Variants in STXBP4 observed in about 807,000 individuals in gnomAD.
STXBP4 encodes syntaxin binding protein 4, also known as syntaxin-binding protein 4.
In STXBP4, 55 loss-of-function variants were observed where a neutral mutation model predicts 76.1. That is an observed-to-expected ratio of 0.72 (90% confidence interval 0.58 to 0.91). The LOEUF is 0.91. STXBP4 is among the 40% of genes least tolerant of loss of function. The pLI, the probability that STXBP4 is intolerant of heterozygous loss-of-function variation, is 0.00. For missense variants in STXBP4, 618 were observed against 636.9 expected, an observed-to-expected ratio of 0.97 and a Z score of 0.32; for synonymous variants, 201 against 220.2, an observed-to-expected ratio of 0.91 and a Z score of 0.77.
chr17:55,024,973 TA>T (rs560093016), intron 8 of STXBP4, among the ~76,000 whole-genome samples: 2 of 149,634 alleles, frequency 1.3e-5, no homozygotes. Context: ...CCATCTCTAC[TA>T]AAAAAAAATA....
At position 55,166,757 on chromosome 17, in the gene STXBP4, G is replaced by A. The variant is rs1334087955; in HGVS notation, c.*6846G>A. On this transcript the variant is annotated 3_prime_UTR_variant, in exon 18 of 18. Transcript: ENST00000376352. Reference sequence around the variant, plus strand: ...GAGCAAGAACTTCCACCTCAAGAGAGTTGCTGGCCTGTTTGTCCGGACACT... The same window carrying A: ...GAGCAAGAACTTCCACCTCAAGAGAATTGCTGGCCTGTTTGTCCGGACACT... The A allele has an allele frequency of 1.3e-5, 2 of 152,242 alleles. No individual in the cohort carries two copies. Among genetic ancestry groups the A allele is most frequent in the Admixed American group, 6.5e-5 (1 of 15,282 alleles). The allele number at this position is 152,242 out of a possible 1,614,324, so 9.4% of individuals were successfully genotyped here. A position where few individuals can be genotyped will look rare whatever the true frequency, so the allele number is the denominator to read the frequency against.
intron 12 of STXBP4, among the ~76,000 whole-genome samples, chr17:55,070,097 A>T (rs1430775967): frequency 6.6e-6 from 1 of 152,184 alleles, no homozygotes; most frequent in Non-Finnish European, 1.5e-5. Flanking sequence ...GTAGTTGGCA[A>T]GGTAGTACAG....
chr17:54,995,730 A>G (rs1301812266), intron 4 of STXBP4, among the ~76,000 whole-genome samples: 3 of 152,248 alleles, frequency 2.0e-5, no homozygotes, highest in Non-Finnish European at 2.9e-5. Flanking sequence ...ATGGCAAACT[A>G]TGAAGAAACC....
chr17:54,982,262 C>G (rs530511430), intron 1 of STXBP4, among the ~76,000 whole-genome samples: 1 of 152,154 alleles, frequency 6.6e-6, no homozygotes, highest in Admixed American at 6.5e-5. Flanking sequence ...ATTACTAAGT[C>G]TTACTCAAAC....
At chr17:55,075,520 G>T (rs889887429) in intron 13 of STXBP4, among the ~76,000 whole-genome samples, 12 of 152,108 alleles carry the variant, frequency 7.9e-5, no homozygotes, top group Admixed American at 3.9e-4. Context: ...CTCCACATGT[G>T]TAATAGTTAC....
rs141627480 is a variant in STXBP4 at position 55,067,255 on chromosome 17, T to A, written c.1012-5645T>A. On this transcript the variant is annotated intron_variant, in intron 12 of 17. Transcript: ENST00000376352. The stretch of plus-strand genomic sequence containing the variant: ...AAAGCATTTTAATGACAGTTCAAGA[T>A]AGCAGTTAAGAGTACTAAATATGTG... Among the ~76,000 whole-genome samples the A allele has an allele frequency of 4.6e-5, 7 of 152,244 alleles. No homozygotes were observed. The East Asian group carries it at 1.4e-3, about 29-fold the overall frequency.
intron 11 of STXBP4, chr17:55,044,209 A>G (rs537859472): frequency 1.3e-5 from 2 of 152,160 alleles, no homozygotes; most frequent in African/African-American, 4.8e-5. Context: ...TTACATTTAA[A>G]TTATATCCTA....
intron 16 of STXBP4, among the ~76,000 whole-genome samples, chr17:55,109,539 G>C (rs773687675): frequency 2.0e-5 from 3 of 150,168 alleles, no homozygotes; most frequent in Non-Finnish European, 4.4e-5. Flanking sequence ...TAAGGCCCCA[G>C]AAGAGTTCAA....
intron 10 of STXBP4, among the ~76,000 whole-genome samples, chr17:55,041,432 G>C (rs1186066451): frequency 6.6e-6 from 1 of 151,982 alleles, no homozygotes; most frequent in Non-Finnish European, 1.5e-5. Flanking sequence ...TGCCCAGGCT[G>C]ATCTCAACCT....
At chr17:55,049,603 A>G (rs2078833757) in intron 12 of STXBP4, among the ~76,000 whole-genome samples, 1 of 152,000 alleles carries the variant, frequency 6.6e-6, no homozygotes, top group Admixed American at 6.6e-5. Context: ...GAATGAAAAT[A>G]CAAACCTTCA....
intron 7 of STXBP4, among the ~76,000 whole-genome samples, chr17:55,006,068 C>G (rs2078003255): frequency 2.0e-5 from 3 of 151,702 alleles, no homozygotes. Context: ...ATTTCATAGC[C>G]AACAATTAGG....
chr17:55,059,160 T>C (rs757759096), intron 12 of STXBP4, among the ~76,000 whole-genome samples: 4 of 152,114 alleles, frequency 2.6e-5, no homozygotes, highest in Non-Finnish European at 5.9e-5. Context: ...AAAATAAATA[T>C]AGCCTAATAA....
At chr17:55,134,736 TG>T (rs1180791614) in intron 16 of STXBP4, among the ~76,000 whole-genome samples, 1 of 152,170 alleles carries the variant, frequency 6.6e-6, no homozygotes, top group Non-Finnish European at 1.5e-5. Flanking sequence ...CACACTCTCC[TG>T]AGGAAAGCTT....
chr17:55,110,001 T>G (rs1196819527), intron 16 of STXBP4, among the ~76,000 whole-genome samples: 1 of 152,196 alleles, frequency 6.6e-6, no homozygotes. Flanking sequence ...AAGTTCAAAA[T>G]ATGTTTCATT....
intron 6 of STXBP4, chr17:55,000,156 AT>A (rs969766665): frequency 1.1e-6 from 1 of 941,502 alleles, no homozygotes; most frequent in Non-Finnish European, 1.3e-6. Context: ...TGGTTTAGTT[AT>A]TTGCCATTTC....
intron 8 of STXBP4, among the ~76,000 whole-genome samples, chr17:55,016,940 C>T (rs1031656543): frequency 2.0e-5 from 3 of 152,164 alleles, no homozygotes; most frequent in South Asian, 2.1e-4. Context: ...GCAGTTGCCA[C>T]TACAGGCTGA....
chr17:55,075,097 T>A (rs1295768969), intron 13 of STXBP4, among the ~76,000 whole-genome samples: 1 of 151,988 alleles, frequency 6.6e-6, no homozygotes, highest in Non-Finnish European at 1.5e-5. Flanking sequence ...AAATAAAACA[T>A]TACTAGTACC....
At position 55,126,200 on chromosome 17, in the gene STXBP4, T is replaced by C. The variant is rs187375186; in HGVS notation, c.1490-15110T>C. The stretch of plus-strand genomic sequence containing the variant: ...CAGAAAACAATCCCAAATTACTCAG[T>C]GTGAAAACAAAAAACAGGAAAATGT... On this transcript the variant is annotated intron_variant, in intron 16 of 17. Transcript: ENST00000376352. Among the ~76,000 whole-genome samples, 105 of 152,170 alleles carry C rather than the reference T, an allele frequency of 6.9e-4. 1 individual carries two copies. The highest frequency in any genetic ancestry group is 2.5e-3 in the African/African-American group (104 of 41,506).
chr17:55,126,945 T>C (rs2079919309), intron 16 of STXBP4, among the ~76,000 whole-genome samples: 1 of 152,212 alleles, frequency 6.6e-6, no homozygotes, highest in Non-Finnish European at 1.5e-5. Context: ...TGCAGCTTTT[T>C]TAATGGGATT....
Sources: allele counts gnomAD v4.1 joint callset (sites outside exome capture counted in the v4.1 genomes callset), GRCh38; gene constraint gnomAD v4.1.1; transcripts MANE v1.5; gene names NCBI Gene and HGNC (gene_info 2026-07-23, HGNC 2026-07-21).